MGST1: variants seen among roughly 807,000 people sequenced by gnomAD.
MGST1 encodes microsomal glutathione S-transferase 1, also known as glutathione S-transferase 12.
In MGST1, 5 loss-of-function variants were observed where a neutral mutation model predicts 8.9. The observed-to-expected ratio is 0.56, with a 90% CI of 0.29 to 1.19. The LOEUF (loss-of-function observed/expected upper bound fraction) is 1.19. Ranked by LOEUF, MGST1 falls within the 50% of genes most tolerant of loss-of-function variation. MGST1 has a pLI of 0.08. For missense variants in MGST1, 182 were observed against 187.4 expected (o/e 0.97, Z 0.17); for synonymous variants, 54 against 67.8 (o/e 0.80, Z 1.00).
At chr12:16,531,890 C>G (rs901763339) in intron 4 of MGST1, among the ~76,000 whole-genome samples, 1 of 152,100 alleles carries the variant, frequency 6.6e-6, no homozygotes, top group Non-Finnish European at 1.5e-5. Context: ...CAGGGGGGAC[C>G]ACAGGCTTTC....
chr12:16,462,368 C>T (rs557002728), intron 4 of MGST1, among the ~76,000 whole-genome samples: 175 of 152,120 alleles, frequency 1.2e-3, no homozygotes, highest in Non-Finnish European at 1.9e-3. Context: ...CCATAGAGAC[C>T]TTCTAGTTCT....
At chr12:16,365,923 C>T (rs148346138), downstream of MGST1, among the ~76,000 whole-genome samples, 360 of 152,340 alleles carry the variant, frequency 2.4e-3, 4 homozygotes, top group Middle Eastern at 0.014. Flanking sequence ...TGTGAATTAT[C>T]TCAGTAATCT....
intron 1 of MGST1, among the ~76,000 whole-genome samples, chr12:16,352,795 C>T (rs545797668): frequency 1.3e-5 from 2 of 152,226 alleles, no homozygotes; most frequent in African/African-American, 4.8e-5. Context: ...CCTATTACAC[C>T]CATGAAAGTA....
intron 4 of MGST1, among the ~76,000 whole-genome samples, chr12:16,450,711 CTT>C (rs1345545450): frequency 6.6e-6 from 1 of 151,982 alleles, no homozygotes; most frequent in Admixed American, 6.6e-5. Context: ...AATGAAGTCA[CTT>C]TCTTCCCAGC....
rs141138162 is a variant in MGST1, at chr12:16,499,317, C to T, written n.483-90211C>T. The stretch of plus-strand genomic sequence containing the variant: ...CAGGTATTCCTTTCCTTATCGTTTT[C>T]TCTATAAAGAATATTTAATTTTTCA... On this transcript the variant is annotated intron_variant and non_coding_transcript_variant, in intron 4 of 4. Transcript: ENST00000538857. Among the ~76,000 whole-genome samples the T allele has an allele frequency of 8.4e-4, 128 of 152,242 alleles. 2 individuals are homozygous for T. In the East Asian group the frequency reaches 0.023, roughly 27 times the overall value.
exon 2 of MGST1, chr12:16,438,224 G>A (rs1281287457): frequency 6.6e-6 from 1 of 151,954 alleles, no homozygotes; most frequent in East Asian, 1.9e-4. Flanking sequence ...CCCACATCCT[G>A]TCTGGCCTTA....
intron 1 of MGST1, among the ~76,000 whole-genome samples, chr12:16,392,986 G>A (rs1940567529): frequency 6.6e-6 from 1 of 152,102 alleles, no homozygotes; most frequent in Admixed American, 6.5e-5. Context: ...CCCAGCTCAA[G>A]TTCCCCTTAA....
Position 16,489,131 on chromosome 12 carries a change from T to TAAATG in MGST1, n.483-100394_483-100393insTGAAA, listed in dbSNP as rs1941420169. ...ATCTCAAAATAAATAAATAAATAAA[T>TAAATG]AAAAAATAAATAGGTAAATACTTAT... On this transcript the variant is annotated intron_variant and non_coding_transcript_variant, in intron 4 of 4. Transcript: ENST00000538857. 2.6e-5 allele frequency among the ~76,000 whole-genome samples: 4 copies of TAAATG among 151,878 alleles called. No individual in the cohort carries two copies. In the South Asian group the frequency reaches 8.3e-4, roughly 32 times the overall value.
At chr12:16,404,252 G>A (rs1159971462) in intron 1 of MGST1, among the ~76,000 whole-genome samples, 2 of 151,982 alleles carry the variant, frequency 1.3e-5, no homozygotes, top group African/African-American at 2.4e-5. Flanking sequence ...TTAATAAAGT[G>A]ACATTAGCTT....
intron 1 of MGST1, among the ~76,000 whole-genome samples, chr12:16,399,027 C>T (rs1940629270): frequency 6.6e-6 from 1 of 152,088 alleles, no homozygotes; most frequent in African/African-American, 2.4e-5. Flanking sequence ...TATTTATTAA[C>T]AGCAAGAGCC....
At chr12:16,501,443 G>A (rs1474694215) in intron 4 of MGST1, among the ~76,000 whole-genome samples, 1 of 152,174 alleles carries the variant, frequency 6.6e-6, no homozygotes, top group Non-Finnish European at 1.5e-5. Flanking sequence ...GAAAAATAAT[G>A]CAACATGTTC....
chr12:16,453,535 A>C (rs2137115471), intron 4 of MGST1, among the ~76,000 whole-genome samples: 1 of 152,100 alleles, frequency 6.6e-6, no homozygotes, highest in South Asian at 2.1e-4. Context: ...GTTAATTATG[A>C]AATAAGGTAT....
chr12:16,349,834 T>TCACG (rs1939380891), intron 1 of MGST1, among the ~76,000 whole-genome samples: 1 of 151,358 alleles, frequency 6.6e-6, no homozygotes, highest in African/African-American at 2.4e-5. Flanking sequence ...AAACTCCGCT[T>TCACG]CCCGGGTTCA....
intron 4 of MGST1, among the ~76,000 whole-genome samples, chr12:16,556,997 TTA>T (rs1203192352): frequency 1.3e-5 from 2 of 152,162 alleles, no homozygotes. Flanking sequence ...GTGAACAGTT[TTA>T]GAGTCAAAAT....
In MGST1 at chr12:16,528,404, A is replaced by G. The variant is rs1941702574; in HGVS notation, n.483-61124A>G. Among the ~76,000 whole-genome samples the G allele has an allele frequency of 2.0e-5, 3 of 152,006 alleles. No individual in the cohort carries two copies. The South Asian group carries it at 6.2e-4, about 32-fold the overall frequency. Reference sequence around the variant, plus strand: ...GAATATAAAAGTAAACATTGGTTCAAATAAGTTAAAAACAAGACCCGTGCT... The same window carrying G: ...GAATATAAAAGTAAACATTGGTTCAGATAAGTTAAAAACAAGACCCGTGCT... On this transcript the variant is annotated intron_variant and non_coding_transcript_variant, in intron 4 of 4. Coordinates refer to the MGST1 transcript ENST00000538857.
chr12:16,392,807 TGATA>T (rs60455512), intron 1 of MGST1, among the ~76,000 whole-genome samples: 12,081 of 152,164 alleles, frequency 0.079, 584 homozygotes, highest in East Asian at 0.22. Context: ...TGTATACATA[TGATA>T]GATATATAGA....
downstream of MGST1, among the ~76,000 whole-genome samples, chr12:16,368,578 T>C (rs934446376): frequency 7.2e-5 from 11 of 152,194 alleles, no homozygotes; most frequent in African/African-American, 2.7e-4. Context: ...ATATTCTATG[T>C]AAACTGTTGG....
At chr12:16,568,488 A>G (rs943548724) in intron 4 of MGST1, among the ~76,000 whole-genome samples, 1 of 152,188 alleles carries the variant, frequency 6.6e-6, no homozygotes, top group African/African-American at 2.4e-5. Context: ...GCTGACCAGC[A>G]TTTTAGCCAC....
intron 1 of MGST1, among the ~76,000 whole-genome samples, chr12:16,386,081 G>A (rs1940501415): frequency 6.6e-6 from 1 of 152,132 alleles, no homozygotes; most frequent in Admixed American, 6.5e-5. Context: ...TCAGTTCCCT[G>A]TATGCCTGTT....
Sources: allele counts gnomAD v4.1 joint callset (sites outside exome capture counted in the v4.1 genomes callset), GRCh38; gene constraint gnomAD v4.1.1; transcripts MANE v1.5; gene names NCBI Gene and HGNC (gene_info 2026-07-23, HGNC 2026-07-21).